The following DENND1B variants were observed in gnomAD, a reference collection of about 807,000 sequenced individuals.
The protein encoded by DENND1B is DENN domain containing 1B.
DENND1B carries 59 observed loss-of-function variants against 90.1 expected under a neutral mutation model. The observed-to-expected ratio is 0.65, with a 90% CI of 0.53 to 0.81. The LOEUF (loss-of-function observed/expected upper bound fraction) is 0.81, where lower values mean the gene tolerates loss of function less well. Among genes scored for constraint, DENND1B ranks in the 40% least tolerant of loss-of-function variants. The pLI, the probability that DENND1B is intolerant of heterozygous loss-of-function variation, is 0.00. For missense variants in DENND1B, 862 were observed against 912.6 expected (o/e 0.94, Z 0.71); for synonymous variants, 337 against 324.6 (o/e 1.04, Z -0.41).
upstream of DENND1B, among the ~76,000 whole-genome samples, chr1:197,780,073 C>A (rs1045538903): frequency 6.6e-6 from 1 of 152,184 alleles, no homozygotes; most frequent in African/African-American, 2.4e-5. Context: ...TGAAATTCTT[C>A]AGACCATTCA....
chr1:197,771,032 C>T (rs1041120651), intron 2 of DENND1B, among the ~76,000 whole-genome samples: 1 of 151,316 alleles, frequency 6.6e-6, no homozygotes, highest in Admixed American at 6.6e-5. Flanking sequence ...GTGCCTCAGC[C>T]TCCCCAGTAG....
At chr1:197,677,923 A>C (rs766940080) in intron 3 of DENND1B, among the ~76,000 whole-genome samples, 1 of 152,160 alleles carries the variant, frequency 6.6e-6, no homozygotes, top group Non-Finnish European at 1.5e-5. Flanking sequence ...ACTCATGATC[A>C]CAAAATGAGC....
At chr1:197,746,752 T>C in intron 2 of DENND1B, 1 of 1,253,998 alleles carries the variant, frequency 8.0e-7, no homozygotes, top group Non-Finnish European at 1.2e-6. Context: ...TGGCAAGTTA[T>C]GCATATCCCA....
chr1:197,530,747 C>T (rs1029128956), intron 20 of DENND1B, among the ~76,000 whole-genome samples: 4 of 152,220 alleles, frequency 2.6e-5, no homozygotes, highest in South Asian at 2.1e-4. Flanking sequence ...TTATCAAGTA[C>T]TTATTATGTG....
chr1:197,581,616 A>G (rs1206355614), intron 15 of DENND1B, among the ~76,000 whole-genome samples: 1 of 152,158 alleles, frequency 6.6e-6, no homozygotes, highest in African/African-American at 2.4e-5. Context: ...TGTAAAACAG[A>G]TATTCTGCGA....
intron 15 of DENND1B, among the ~76,000 whole-genome samples, chr1:197,575,994 T>C (rs557550270): frequency 1.8e-4 from 28 of 152,140 alleles, no homozygotes; most frequent in Non-Finnish European, 2.5e-4. Context: ...AATGAGTTAA[T>C]GGGTGCAGCA....
chr1:197,713,833 A>AATATATTATATATAATATATTATATATC (rs1660282598), intron 3 of DENND1B, among the ~76,000 whole-genome samples: 1 of 15,784 alleles, frequency 6.3e-5, no homozygotes, highest in Admixed American at 1.2e-3. Context: ...TATTATATAT[A>AATATATTATATATAATATATTATATATC]ATATATTATA....
chr1:197,518,227 T>C (rs1668537088), intron 20 of DENND1B, among the ~76,000 whole-genome samples: 1 of 151,986 alleles, frequency 6.6e-6, no homozygotes, highest in South Asian at 2.1e-4. Flanking sequence ...GAAGGTCCTG[T>C]GGGGGTTATC....
chr1:197,611,781 G>T, intron 12 of DENND1B, 150 bp downstream of exon 12: 1 of 596,224 alleles, frequency 1.7e-6, no homozygotes, highest in Non-Finnish European at 2.9e-6. Context: ...TTATTTCAAT[G>T]TTGTCTTTTT....
intron 10 of DENND1B, among the ~76,000 whole-genome samples, chr1:197,624,994 C>T (rs1678533380): frequency 6.6e-6 from 1 of 151,886 alleles, no homozygotes; most frequent in Admixed American, 6.6e-5. Flanking sequence ...ACAAACAAAG[C>T]CTCCAAGAAA....
In DENND1B at chr1:197,677,375, C is replaced by T. The variant is rs1272778721; in HGVS notation, c.127-3206G>A. 2.6e-5 allele frequency among the ~76,000 whole-genome samples: 4 copies of T among 152,138 alleles called. No homozygotes were observed. In the East Asian group the frequency reaches 7.7e-4, roughly 29 times the overall value. On this transcript the variant is annotated intron_variant, in intron 3 of 22. Coordinates refer to ENST00000620048, the MANE Select transcript of DENND1B (RefSeq NM_001195215.2). ...TGACTTTCTAAATGTTCCCAGACAC[C>T]TCTAATGAAGAATGTACAAAACCAA...
rs186285445 is a variant in DENND1B at position 197,570,432 on chromosome 1, G to A, written c.1149+12720C>T. ...CAATATAGTTATCCAAGGCCCACCA[G>A]AGACTTTCGAAATAAATTTTTATTC... On this transcript the variant is annotated intron_variant, in intron 15 of 22. Transcript: ENST00000620048. Among the ~76,000 whole-genome samples the A allele has an allele frequency of 5.7e-3, 863 of 152,174 alleles. 11 individuals are homozygous for A. The highest frequency in any genetic ancestry group is 0.019 in the African/African-American group (806 of 41,526).
chr1:197,523,232 G>A (rs540710901), intron 20 of DENND1B, among the ~76,000 whole-genome samples: 2 of 152,012 alleles, frequency 1.3e-5, no homozygotes, highest in African/African-American at 4.8e-5. Context: ...ACTGCTGGGG[G>A]AAATGTAGAA....
chr1:197,544,801 A>G (rs6665511), intron 18 of DENND1B, among the ~76,000 whole-genome samples: 531 of 140,448 alleles, frequency 3.8e-3, no homozygotes, highest in South Asian at 5.8e-3. Flanking sequence ...AAGAGGAGGA[A>G]GAAGAAGAAG....
intron 6 of DENND1B, among the ~76,000 whole-genome samples, chr1:197,655,651 C>T (rs561401714): frequency 9.2e-5 from 14 of 152,194 alleles, no homozygotes; most frequent in African/African-American, 3.4e-4. Context: ...CCTGCCTCAG[C>T]CTCCTGAGTA....
intron 2 of DENND1B, among the ~76,000 whole-genome samples, chr1:197,758,750 A>G (rs1401417240): frequency 6.6e-6 from 1 of 152,130 alleles, no homozygotes; most frequent in East Asian, 1.9e-4. Context: ...GTGGCATCAA[A>G]CCCATTACTC....
At chr1:197,684,405 C>A (rs958295673) in intron 3 of DENND1B, among the ~76,000 whole-genome samples, 5 of 152,136 alleles carry the variant, frequency 3.3e-5, no homozygotes, top group African/African-American at 1.2e-4. Context: ...TTGTTTTCAT[C>A]GAGATTGCAA....
At chr1:197,764,402 T>A (rs1330283481) in intron 2 of DENND1B, among the ~76,000 whole-genome samples, 1 of 152,136 alleles carries the variant, frequency 6.6e-6, no homozygotes, top group Non-Finnish European at 1.5e-5. Flanking sequence ...TCAGAGAAAA[T>A]AAATTGAAAA....
chr1:197,705,173 G>A (rs1659403943), intron 3 of DENND1B, among the ~76,000 whole-genome samples: 1 of 152,116 alleles, frequency 6.6e-6, no homozygotes, highest in Non-Finnish European at 1.5e-5. Flanking sequence ...GCAGTAAAAG[G>A]GAAAAGGGTT....
Sources: allele counts gnomAD v4.1 joint callset (sites outside exome capture counted in the v4.1 genomes callset), GRCh38; gene constraint gnomAD v4.1.1; transcripts MANE v1.5; gene names NCBI Gene and HGNC (gene_info 2026-07-23, HGNC 2026-07-21).